Variants in SLCO4C1 observed in about 807,000 individuals in gnomAD.
SLCO4C1 encodes the protein solute carrier organic anion transporter family member 4C1.
SLCO4C1 carries 58 observed loss-of-function variants against 72.1 expected under a neutral mutation model. That is an observed-to-expected ratio of 0.80 (90% CI 0.65 to 1.00). SLCO4C1 has a LOEUF of 1.00. Ranked by LOEUF, SLCO4C1 falls within the 50% of genes least tolerant of loss-of-function variation. SLCO4C1 has a pLI of 0.00. For missense variants in SLCO4C1, 898 were observed against 857.9 expected (o/e 1.05, Z -0.58); for synonymous variants, 297 against 312.5 (o/e 0.95, Z 0.52).
At chr5:102,255,931 C>T (rs765370861) in intron 8 of SLCO4C1, among the ~76,000 whole-genome samples, 3 of 151,766 alleles carry the variant, frequency 2.0e-5, no homozygotes, top group African/African-American at 4.8e-5. Flanking sequence ...CTTGGCCGGG[C>T]GCGGTGGCTC....
rs1161832774 is a variant in SLCO4C1, at chr5:102,260,333, ATAT to A, written c.1022-17_1022-15del. On this transcript the variant is annotated splice_polypyrimidine_tract_variant and intron_variant, in intron 5 of 12. Transcript: ENST00000310954. ...TTTCTGCTGTACCTAAAAAAAAAAT[ATAT>A]ATATATATATAATATATATATTATA... 16 of 204,000 alleles carry A rather than the reference ATAT, an allele frequency of 7.8e-5. No homozygotes were observed. The highest frequency in any genetic ancestry group is 3.2e-3 in the Middle Eastern group (2 of 626). 12.6% of individuals were successfully genotyped at this position (204,000 alleles called of 1,614,324 possible).
intron 10 of SLCO4C1, among the ~76,000 whole-genome samples, chr5:102,245,835 T>C (rs952581205): frequency 5.9e-5 from 9 of 152,110 alleles, no homozygotes; most frequent in Admixed American, 5.2e-4. Context: ...TGAAATAATA[T>C]CAGTCATCTT....
At chr5:102,243,532 T>G (rs1472716709) in intron 10 of SLCO4C1, among the ~76,000 whole-genome samples, 1 of 152,234 alleles carries the variant, frequency 6.6e-6, no homozygotes, top group African/African-American at 2.4e-5. Flanking sequence ...ACAGCATTAC[T>G]GGCCTTCGGG....
chr5:102,263,818 T>A, intron 3 of SLCO4C1, 38 bp from the exon 4 acceptor site: 1 of 1,486,342 alleles, frequency 6.7e-7, no homozygotes, highest in Admixed American at 1.8e-5. Flanking sequence ...CAGTCATATG[T>A]ACAACTTCAC....
In SLCO4C1 at chr5:102,240,849, C is replaced by T. The variant is rs538110505; in HGVS notation, c.1812-67G>A. The T allele has an allele frequency of 1.3e-5, 15 of 1,141,388 alleles. No homozygotes were observed. In the East Asian group the frequency reaches 1.7e-4, roughly 13 times the overall value. The allele number at this position is 1,141,388 out of a possible 1,614,324, so 70.7% of individuals were successfully genotyped here. A position where few individuals can be genotyped will look rare whatever the true frequency, so the allele number is the denominator to read the frequency against. The stretch of plus-strand genomic sequence containing the variant: ...AGTATATTCACTCTTTGAGCAAGTT[C>T]ACATTTATAAGAGTTTAGCATTCCT... On this transcript the variant is annotated intron_variant, in intron 10 of 12. Coordinates refer to ENST00000310954, the MANE Select transcript of SLCO4C1 (RefSeq NM_180991.5).
chr5:102,242,585 G>A (rs1172461160), intron 10 of SLCO4C1, among the ~76,000 whole-genome samples: 2 of 152,132 alleles, frequency 1.3e-5, no homozygotes, highest in Non-Finnish European at 2.9e-5. Flanking sequence ...AATATTTCTA[G>A]ACACATTTTG....
intron 2 of SLCO4C1, among the ~76,000 whole-genome samples, chr5:102,280,708 G>T (rs1030699171): frequency 2.0e-5 from 3 of 152,104 alleles, no homozygotes; most frequent in African/African-American, 4.8e-5. Flanking sequence ...AGGCGAGAGA[G>T]CATGTGAAGG....
chr5:102,247,024 A>C (rs1054672283), intron 10 of SLCO4C1, among the ~76,000 whole-genome samples: 5 of 152,152 alleles, frequency 3.3e-5, no homozygotes, highest in Non-Finnish European at 7.4e-5. Flanking sequence ...AACACCAAGC[A>C]CAAGCCAGGC....
At position 102,259,599 on chromosome 5, in the gene SLCO4C1, A is replaced by T. The variant is rs558206066; in HGVS notation, c.1128+614T>A. Reference sequence around the variant, plus strand: ...AAAATTATAAAGTCCTTTATGAATAAAACTTTTATAACACTAAATAGAAAG... The same window carrying T: ...AAAATTATAAAGTCCTTTATGAATATAACTTTTATAACACTAAATAGAAAG... On this transcript the variant is annotated intron_variant, in intron 6 of 12. Coordinates refer to ENST00000310954, the MANE Select transcript of SLCO4C1 (RefSeq NM_180991.5). Among the ~76,000 whole-genome samples, 254 of 152,278 alleles carry T rather than the reference A, an allele frequency of 1.7e-3. 3 individuals are homozygous for T. Among genetic ancestry groups the T allele is most frequent in the Admixed American group, 3.5e-3 (54 of 15,292 alleles).
At chr5:102,286,239 T>A (rs1031818519) in intron 2 of SLCO4C1, among the ~76,000 whole-genome samples, 9 of 152,132 alleles carry the variant, frequency 5.9e-5, no homozygotes, top group Non-Finnish European at 1.2e-4. Context: ...AACAAAGATA[T>A]AGTGCAACGT....
chr5:102,291,828 T>C (rs1052249578), intron 1 of SLCO4C1, among the ~76,000 whole-genome samples: 1 of 152,230 alleles, frequency 6.6e-6, no homozygotes, highest in Non-Finnish European at 1.5e-5. Context: ...ATTTTATTTA[T>C]TTATTTTTTT....
chr5:102,274,750 ATC>A (rs973821402), intron 2 of SLCO4C1, among the ~76,000 whole-genome samples: 1 of 152,114 alleles, frequency 6.6e-6, no homozygotes, highest in Non-Finnish European at 1.5e-5. Context: ...AACAAACACC[ATC>A]TCTCTTTCTC....
chr5:102,243,781 T>C (rs1296511865), intron 10 of SLCO4C1, among the ~76,000 whole-genome samples: 1 of 152,132 alleles, frequency 6.6e-6, no homozygotes, highest in Non-Finnish European at 1.5e-5. Context: ...CAGAAATATG[T>C]GACGTTTCAG....
At chr5:102,256,919 T>G (rs1311526898) in intron 8 of SLCO4C1, among the ~76,000 whole-genome samples, 196 bp downstream of exon 8, 1 of 152,220 alleles carries the variant, frequency 6.6e-6, no homozygotes, top group Non-Finnish European at 1.5e-5. Context: ...TTAAATGTTC[T>G]TTGTATAAAT....
intron 8 of SLCO4C1, among the ~76,000 whole-genome samples, chr5:102,255,416 A>G (rs1299908895): frequency 6.6e-6 from 1 of 152,104 alleles, no homozygotes; most frequent in African/African-American, 2.4e-5. Flanking sequence ...TTTTTTTTCT[A>G]AAAGGAACAT....
At chr5:102,271,304 TG>T (rs1360486445) in intron 2 of SLCO4C1, among the ~76,000 whole-genome samples, 1 of 151,430 alleles carries the variant, frequency 6.6e-6, no homozygotes, top group Non-Finnish European at 1.5e-5. Flanking sequence ...GTCCAGCACA[TG>T]TATTTAATAA....
chr5:102,258,715 T>C (rs1748883522), intron 6 of SLCO4C1, among the ~76,000 whole-genome samples: 1 of 151,730 alleles, frequency 6.6e-6, no homozygotes, highest in South Asian at 2.1e-4. Flanking sequence ...AAATATTAAA[T>C]GCCAAAAAAT....
rs1397652667 is a variant in SLCO4C1, at chr5:102,271,609, A to AAT, written c.620-805_620-804dup. Among the ~76,000 whole-genome samples the AAT allele has an allele frequency of 7.9e-5, 12 of 151,452 alleles. No individual in the cohort carries two copies. The South Asian group carries it at 8.3e-4, about 10-fold the overall frequency. ...ATGACTACCAATCTCATTGGTTAAA[A>AAT]ATATATATATATAATTTTTTAAATT... On this transcript the variant is annotated intron_variant, in intron 2 of 12. Coordinates refer to ENST00000310954, the MANE Select transcript of SLCO4C1 (RefSeq NM_180991.5).
chr5:102,262,225 GT>G (rs1748957349), intron 4 of SLCO4C1, among the ~76,000 whole-genome samples, 192 bp from the exon 5 acceptor site: 1 of 152,110 alleles, frequency 6.6e-6, no homozygotes, highest in African/African-American at 2.4e-5. Flanking sequence ...AAGAATAATG[GT>G]TTACAAAATG....
Sources: allele counts gnomAD v4.1 joint callset (sites outside exome capture counted in the v4.1 genomes callset), GRCh38; gene constraint gnomAD v4.1.1; transcripts MANE v1.5; gene names NCBI Gene and HGNC (gene_info 2026-07-23, HGNC 2026-07-21).